The following SMAP2 variants were observed in gnomAD, a reference collection of about 807,000 sequenced individuals.
SMAP2 encodes stromal membrane-associated protein 2.
In SMAP2, 25 loss-of-function variants were observed where a neutral mutation model predicts 56.4. That is an observed-to-expected ratio of 0.44 (90% CI 0.32 to 0.62). The LOEUF (loss-of-function observed/expected upper bound fraction) is 0.62, where lower values mean the gene tolerates loss of function less well. Ranked by LOEUF, SMAP2 falls within the 20% of genes least tolerant of loss-of-function variation. SMAP2 has a pLI of 0.04. For synonymous variants in SMAP2, 157 were observed against 181.7 expected (o/e 0.86, Z 1.09); for missense variants, 388 against 545.6 (o/e 0.71, Z 2.88).
Position 40,409,743 on chromosome 1 carries a change from T to A in SMAP2, c.324-14T>A. ...AGAGGCTTGTTGGATTCATCCTTAATAAGCTTTTTGCAGAGCTGTTGAAGG... is the reference window on the plus strand; with the variant it reads ...AGAGGCTTGTTGGATTCATCCTTAAAAAGCTTTTTGCAGAGCTGTTGAAGG... On this transcript the variant is annotated splice_polypyrimidine_tract_variant and intron_variant, in intron 3 of 9. Transcript: ENST00000372718. 1 of 1,586,084 alleles carries A rather than the reference T, an allele frequency of 6.3e-7. No individual in the cohort carries two copies. Among genetic ancestry groups the A allele is most frequent in the Non-Finnish European group, 8.7e-7 (1 of 1,154,608 alleles).
At chr1:40,353,374 C>T (rs766592500) in intron 1 of SMAP2, among the ~76,000 whole-genome samples, 6 of 152,026 alleles carry the variant, frequency 3.9e-5, no homozygotes, top group Non-Finnish European at 7.4e-5. Flanking sequence ...CAGAGGGCTT[C>T]TTTATTTTTT....
At chr1:40,401,822 C>T (rs1424973462) in intron 1 of SMAP2, among the ~76,000 whole-genome samples, 1 of 152,192 alleles carries the variant, frequency 6.6e-6, no homozygotes, top group Non-Finnish European at 1.5e-5. Flanking sequence ...TCCGTGTAAA[C>T]CCAGATTTTT....
chr1:40,392,922 AC>A (rs34232638), intron 1 of SMAP2, among the ~76,000 whole-genome samples: 1 of 151,896 alleles, frequency 6.6e-6, no homozygotes, highest in Non-Finnish European at 1.5e-5. Flanking sequence ...ACATGGTGAA[AC>A]CCCGCTGTCT....
chr1:40,371,901 CTG>C (rs2124193448), upstream of SMAP2, among the ~76,000 whole-genome samples: 1 of 152,288 alleles, frequency 6.6e-6, no homozygotes, highest in South Asian at 2.1e-4. Flanking sequence ...GATGAAATAA[CTG>C]AGGCACCAAG....
At chr1:40,393,595 G>T (rs905654761) in intron 1 of SMAP2, 1 of 1,264,480 alleles carries the variant, frequency 7.9e-7, no homozygotes, top group Non-Finnish European at 1.1e-6. Context: ...GCCCAGGCTG[G>T]AGTACAGTGG....
At chr1:40,412,120 AT>A (rs1035189077) in intron 4 of SMAP2, among the ~76,000 whole-genome samples, 6 of 152,096 alleles carry the variant, frequency 3.9e-5, no homozygotes, top group Non-Finnish European at 7.4e-5. Context: ...ATGTTATTTA[AT>A]TTTTTTTAGC....
At chr1:40,418,257 A>G (rs940609710) in intron 9 of SMAP2, among the ~76,000 whole-genome samples, 1 of 152,158 alleles carries the variant, frequency 6.6e-6, no homozygotes, top group African/African-American at 2.4e-5. Flanking sequence ...TCGTATAAAG[A>G]CTCAATTACA....
chr1:40,379,635 C>T (rs973352165), intron 1 of SMAP2, among the ~76,000 whole-genome samples: 4 of 149,890 alleles, frequency 2.7e-5, no homozygotes, highest in Non-Finnish European at 5.9e-5. Flanking sequence ...CAAACTCCCC[C>T]TCCCGGGTTC....
At chr1:40,400,628 T>C (rs1279053671) in intron 1 of SMAP2, among the ~76,000 whole-genome samples, 1 of 152,098 alleles carries the variant, frequency 6.6e-6, no homozygotes, top group African/African-American at 2.4e-5. Flanking sequence ...ATGGAATGGA[T>C]GGAGGTGTAG....
rs559024108 is a variant in SMAP2 at position 40,408,241 on chromosome 1, T to C, written c.238-412T>C. ...TTTATCCCTCACAAGTGTTAAGGAGTCTACTTAAAAGCCTAATGGGAAACA... is the reference window on the plus strand; with the variant it reads ...TTTATCCCTCACAAGTGTTAAGGAGCCTACTTAAAAGCCTAATGGGAAACA... On this transcript the variant is annotated intron_variant, in intron 2 of 9. Coordinates refer to ENST00000372718, the MANE Select transcript of SMAP2 (RefSeq NM_022733.3). This position sits in a 1 kb window ranked among gnomAD's most constrained non-coding sequence, Gnocchi z 4.3. Among the ~76,000 whole-genome samples, 1 of 152,292 alleles carries C rather than the reference T, an allele frequency of 6.6e-6. No homozygotes were observed. Among genetic ancestry groups the C allele is most frequent in the African/African-American group, 2.4e-5 (1 of 41,554 alleles).
At position 40,374,629 on chromosome 1, in the gene SMAP2, G is replaced by A; in HGVS notation, c.103+406G>A. On this transcript the variant is annotated intron_variant, in intron 1 of 9. Transcript: ENST00000372718. The surrounding 1 kb of genome is among the most constrained non-coding windows in gnomAD (Gnocchi z 5.9). ...TGTGTGTGTGTGTGTGTGTGTGAGA[G>A]AGAGAGAGAGAGAATGACGAGGAGG... The A allele has an allele frequency of 6.7e-7, 1 of 1,497,786 alleles. No homozygotes were observed. Among genetic ancestry groups the A allele is most frequent in the Non-Finnish European group, 9.1e-7 (1 of 1,100,490 alleles). The allele number at this position is 1,497,786 out of a possible 1,614,324, so 92.8% of individuals were successfully genotyped here. A position where few individuals can be genotyped will look rare whatever the true frequency, so the allele number is the denominator to read the frequency against.
chr1:40,419,859 A>G (rs1645025698), intron 9 of SMAP2, among the ~76,000 whole-genome samples: 1 of 152,164 alleles, frequency 6.6e-6, no homozygotes, highest in South Asian at 2.1e-4. Flanking sequence ...ATGTATAGCT[A>G]TCTTTATCAG....
intron 1 of SMAP2, among the ~76,000 whole-genome samples, chr1:40,360,356 T>A (rs1383765574): frequency 7.0e-6 from 1 of 143,582 alleles, no homozygotes; most frequent in Non-Finnish European, 1.5e-5. Context: ...CAGGCTGGAG[T>A]GCAGTGGCAA....
chr1:40,394,774 T>C (rs569254566), intron 1 of SMAP2, among the ~76,000 whole-genome samples: 1 of 152,328 alleles, frequency 6.6e-6, no homozygotes, highest in South Asian at 2.1e-4. Flanking sequence ...AAATTGTATA[T>C]GTTTACAGTA....
chr1:40,413,199 C>A, intron 5 of SMAP2, 97 bp downstream of exon 5: 1 of 886,632 alleles, frequency 1.1e-6, no homozygotes, highest in Non-Finnish European at 1.9e-6. Flanking sequence ...ACCATTGCAC[C>A]ATCACAGCTG....
At chr1:40,387,985 T>G (rs1416577279) in intron 1 of SMAP2, among the ~76,000 whole-genome samples, 3 of 152,210 alleles carry the variant, frequency 2.0e-5, no homozygotes, top group Admixed American at 6.5e-5. Flanking sequence ...AATGAGGGGC[T>G]TAGCACCTGG....
At chr1:40,354,897 C>T (rs1394300499) in intron 1 of SMAP2, among the ~76,000 whole-genome samples, 1 of 147,650 alleles carries the variant, frequency 6.8e-6, no homozygotes, top group Admixed American at 7.0e-5. Flanking sequence ...GATTCTCCTG[C>T]CTCAGTCTCC....
chr1:40,366,742 A>G, intron 2 of SMAP2, among the ~76,000 whole-genome samples: 1 of 30,910 alleles, frequency 3.2e-5, no homozygotes. Flanking sequence ...CAGCCACTGC[A>G]AAATCATGCC....
intron 1 of SMAP2, among the ~76,000 whole-genome samples, chr1:40,402,035 C>T (rs941575175): frequency 3.9e-5 from 6 of 152,008 alleles, no homozygotes; most frequent in African/African-American, 1.2e-4. Flanking sequence ...TGTGTTGTGC[C>T]GATCACTACC....
Sources: gnomAD v4.1 joint callset for allele counts (sites outside exome capture counted in the v4.1 genomes callset) on GRCh38, gnomAD v4.1.1 for gene constraint, Gnocchi (gnomAD v3.1) non-coding constraint, MANE v1.5 for transcripts, NCBI Gene and HGNC (gene_info 2026-07-23, HGNC 2026-07-21) for gene names.